The following MCTP1 variants were observed in gnomAD, a reference collection of about 807,000 sequenced individuals.
The protein encoded by MCTP1 is multiple C2 and transmembrane domain-containing protein 1.
In MCTP1, 69 loss-of-function variants were observed where a neutral mutation model predicts 120.6. The observed-to-expected ratio is 0.57, with a 90% CI of 0.47 to 0.70. The LOEUF (loss-of-function observed/expected upper bound fraction) is 0.70. MCTP1 is among the 30% of genes least tolerant of loss of function. MCTP1 has a pLI of 0.00. For missense variants in MCTP1, 1,203 were observed against 1,248.8 expected, an observed-to-expected ratio of 0.96 and a Z score of 0.55; for synonymous variants, 529 against 493.1, an observed-to-expected ratio of 1.07 and a Z score of -0.96.
rs138081258 is a variant in MCTP1 at position 94,787,408 on chromosome 5, A to T, written c.2557-8245T>A. ...TTGCAAGGGGACTATGGATACAGGA[A>T]ATCTTACTGTGGCAATGCTATTATC... On this transcript the variant is annotated intron_variant, in intron 18 of 22. Transcript: ENST00000515393. Among the ~76,000 whole-genome samples, 34 of 152,224 alleles carry T rather than the reference A, an allele frequency of 2.2e-4. No individual in the cohort carries two copies. The East Asian group carries it at 6.0e-3, about 27-fold the overall frequency.
intron 1 of MCTP1, among the ~76,000 whole-genome samples, chr5:95,184,393 T>C (rs1024123567): frequency 3.3e-5 from 5 of 152,150 alleles, no homozygotes; most frequent in Admixed American, 2.6e-4. Flanking sequence ...ATTTAAAAAA[T>C]TGACACTAAT....
At chr5:95,142,775 C>T (rs1760045624) in intron 1 of MCTP1, among the ~76,000 whole-genome samples, 1 of 152,100 alleles carries the variant, frequency 6.6e-6, no homozygotes, top group Non-Finnish European at 1.5e-5. Context: ...TCACCTCCAA[C>T]ACAGCATAGA....
chr5:94,844,820 G>T (rs1287007468), intron 17 of MCTP1, among the ~76,000 whole-genome samples: 1 of 152,024 alleles, frequency 6.6e-6, no homozygotes, highest in Non-Finnish European at 1.5e-5. Flanking sequence ...TTTTGAGACT[G>T]TCTCCTTCTC....
chr5:94,773,419 T>C (rs1056182030), intron 19 of MCTP1, among the ~76,000 whole-genome samples: 25 of 152,190 alleles, frequency 1.6e-4, no homozygotes, highest in Admixed American at 8.5e-4. Flanking sequence ...CCAATTTTGC[T>C]CTAGAGCATG....
chr5:95,037,308 A>G (rs769097232), intron 1 of MCTP1, among the ~76,000 whole-genome samples: 3 of 152,212 alleles, frequency 2.0e-5, no homozygotes, highest in Non-Finnish European at 4.4e-5. Context: ...CTTATGGAGT[A>G]TTTCGAATGA....
intron 1 of MCTP1, among the ~76,000 whole-genome samples, chr5:95,251,379 T>C (rs756869104): frequency 1.3e-5 from 2 of 152,100 alleles, no homozygotes; most frequent in South Asian, 2.1e-4. Context: ...GAGGTTCAGG[T>C]TGAAGAAGGA....
chr5:94,763,655 C>T (rs937958472), intron 19 of MCTP1, among the ~76,000 whole-genome samples: 2 of 152,126 alleles, frequency 1.3e-5, no homozygotes, highest in African/African-American at 2.4e-5. Context: ...CATACTGTGT[C>T]GCATTCATCT....
rs1311313797 is a variant in MCTP1, at chr5:94,779,108, A to G, written c.2610+2T>C. The G allele has an allele frequency of 1.2e-6, 2 of 1,612,752 alleles. No homozygotes were observed. The highest frequency in any genetic ancestry group is 1.7e-6 in the Non-Finnish European group (2 of 1,178,876). ...TACCCAAGTGCTGGGAAAGATAATTACCTTGTCATCTTTGTCATCTTCTTC... is the reference window on the plus strand; with the variant it reads ...TACCCAAGTGCTGGGAAAGATAATTGCCTTGTCATCTTTGTCATCTTCTTC... On this transcript the variant is annotated splice_donor_variant, in intron 19 of 22. Coordinates refer to ENST00000515393, the MANE Select transcript of MCTP1 (RefSeq NM_024717.7). LOFTEE classifies it high-confidence loss of function.
intron 17 of MCTP1, among the ~76,000 whole-genome samples, chr5:94,845,046 G>T (rs1792010866): frequency 6.6e-6 from 1 of 152,166 alleles, no homozygotes; most frequent in African/African-American, 2.4e-5. Context: ...ACAACGTACA[G>T]AATGGTAGAA....
At chr5:94,894,976 AC>A in intron 10 of MCTP1, 141 bp from the exon 11 acceptor site, 1 of 557,776 alleles carries the variant, frequency 1.8e-6, no homozygotes, top group Non-Finnish European at 3.1e-6. Context: ...AAGTCAGCTG[AC>A]TTTCTTCACA....
At chr5:94,884,315 G>A (rs1027149655) in intron 12 of MCTP1, among the ~76,000 whole-genome samples, 1 of 152,184 alleles carries the variant, frequency 6.6e-6, no homozygotes, top group African/African-American at 2.4e-5. Context: ...TTGTACAGAG[G>A]TAGACCTCTT....
At chr5:95,038,381 A>G (rs1194178562) in intron 1 of MCTP1, among the ~76,000 whole-genome samples, 1 of 152,254 alleles carries the variant, frequency 6.6e-6, no homozygotes, top group Non-Finnish European at 1.5e-5. Context: ...CCATGATAAT[A>G]TACCAATATA....
chr5:95,091,880 T>G lies in MCTP1; in HGVS notation c.721-74396A>C, dbSNP rs186547685. Reference sequence around the variant, plus strand: ...TTTACCATAACAGAAACCTGAAATATATGTCATTAAGACTGAGACAGGCAG... The same window carrying G: ...TTTACCATAACAGAAACCTGAAATAGATGTCATTAAGACTGAGACAGGCAG... On this transcript the variant is annotated intron_variant, in intron 1 of 22. Coordinates refer to ENST00000515393, the MANE Select transcript of MCTP1 (RefSeq NM_024717.7). Among the ~76,000 whole-genome samples, 709 of 152,280 alleles carry G rather than the reference T, an allele frequency of 4.7e-3. 6 individuals carry two copies. The highest frequency in any genetic ancestry group is 0.016 in the African/African-American group (673 of 41,566).
At chr5:95,001,902 C>A (rs141055420) in intron 2 of MCTP1, among the ~76,000 whole-genome samples, 1 of 152,170 alleles carries the variant, frequency 6.6e-6, no homozygotes, top group African/African-American at 2.4e-5. Flanking sequence ...ACCTTCATGA[C>A]AGCCCCTCCC....
chr5:94,865,101 C>T (rs964721678), intron 17 of MCTP1, among the ~76,000 whole-genome samples: 1 of 151,726 alleles, frequency 6.6e-6, no homozygotes, highest in Non-Finnish European at 1.5e-5. Flanking sequence ...CGCCCAGAAA[C>T]GTATCTGCTT....
intron 1 of MCTP1, among the ~76,000 whole-genome samples, chr5:95,245,332 A>G (rs1215582140): frequency 6.6e-6 from 1 of 152,178 alleles, no homozygotes; most frequent in African/African-American, 2.4e-5. Context: ...TGACTTTGAC[A>G]AGTTGACAGA....
intron 1 of MCTP1, among the ~76,000 whole-genome samples, chr5:95,082,543 T>G (rs1033454139): frequency 6.6e-6 from 1 of 152,176 alleles, no homozygotes; most frequent in African/African-American, 2.4e-5. Context: ...AACAGGGCTG[T>G]TAAATAGACA....
intron 1 of MCTP1, among the ~76,000 whole-genome samples, chr5:95,051,194 A>C (rs1007373948): frequency 6.6e-6 from 1 of 152,180 alleles, no homozygotes; most frequent in African/African-American, 2.4e-5. Context: ...CTTAAAAGTT[A>C]TTTATTTTAA....
chr5:94,890,734 G>A (rs532391837), intron 11 of MCTP1, among the ~76,000 whole-genome samples: 3 of 152,228 alleles, frequency 2.0e-5, no homozygotes, highest in African/African-American at 7.2e-5. Context: ...AATTAAAAGA[G>A]GGAAACCAAT....
Sources: gnomAD v4.1 joint callset for allele counts (sites outside exome capture counted in the v4.1 genomes callset) on GRCh38, gnomAD v4.1.1 for gene constraint, MANE v1.5 for transcripts, NCBI Gene and HGNC (gene_info 2026-07-23, HGNC 2026-07-21) for gene names.